The following MCTP2 variants were observed in gnomAD, a reference collection of about 807,000 sequenced individuals.
MCTP2 encodes the protein multiple C2 and transmembrane domain containing 2, also known as multiple C2 and transmembrane domain-containing protein 2.
In MCTP2, 132 loss-of-function variants were observed where a neutral mutation model predicts 111.6. The observed-to-expected ratio is 1.18, with a 90% CI of 1.03 to 1.37. The LOEUF is 1.37. Among genes scored for constraint, MCTP2 ranks in the 40% most tolerant of loss-of-function variants. The pLI is 0.00. For missense variants in MCTP2, 1,183 were observed against 1,067.9 expected (o/e 1.11, Z -1.50); for synonymous variants, 395 against 387.7 (o/e 1.02, Z -0.22).
chr15:94,241,194 G>T (rs1018210942), intron 1 of MCTP2, among the ~76,000 whole-genome samples: 8 of 152,068 alleles, frequency 5.3e-5, no homozygotes, highest in Admixed American at 2.6e-4. Flanking sequence ...TGCAGAGGCT[G>T]GTGTAAATGG....
chr15:94,314,289 G>T lies in MCTP2; in HGVS notation c.473G>T (p.Cys158Phe). Residue 158 changes from cysteine (C) to phenylalanine (F), a missense_variant, in exon 3 of 23, where the codon TGT becomes TTT. By Grantham distance (205) the Cys-to-Phe change is radical. Transcript: ENST00000357742. ...GDAPEEPEKL[C>F]GSSDLNASMT... ...TTTTCTTTTTCTTTGCAGAAGCTAT[G>T]TGGAAGCAGTGACCTGAATGCTTCT... is the stretch of plus-strand genomic sequence containing the variant. 1 of 1,607,394 alleles carries T rather than the reference G, an allele frequency of 6.2e-7. No individual in the cohort carries two copies. Among genetic ancestry groups the T allele is most frequent in the African/African-American group, 1.3e-5 (1 of 74,794 alleles).
intron 1 of MCTP2, among the ~76,000 whole-genome samples, chr15:94,257,566 G>GTTTTTTTTTTTTTTTTTTTTTT (rs1220635423): frequency 1.4e-4 from 10 of 73,004 alleles, no homozygotes; most frequent in East Asian, 5.3e-4. Context: ...CATTTTCTTT[G>GTTTTTTTTTTTTTTTTTTTTTT]TTGTTTTTTT....
chr15:94,316,287 C>A (rs1308863204), intron 4 of MCTP2, among the ~76,000 whole-genome samples: 1 of 152,114 alleles, frequency 6.6e-6, no homozygotes, highest in African/African-American at 2.4e-5. Flanking sequence ...ATCTATTTCT[C>A]TACTGGTGGT....
At chr15:94,373,410 C>G (rs977155143) in intron 12 of MCTP2, among the ~76,000 whole-genome samples, 2 of 152,108 alleles carry the variant, frequency 1.3e-5, no homozygotes, top group Admixed American at 1.3e-4. Flanking sequence ...TGTTGAAAGA[C>G]ATGAATAAGC....
chr15:94,329,231 A>G (rs1439729228), intron 4 of MCTP2, among the ~76,000 whole-genome samples: 1 of 152,136 alleles, frequency 6.6e-6, no homozygotes, highest in East Asian at 1.9e-4. Flanking sequence ...TTAGAGTGAA[A>G]ACAATCTGGG....
At chr15:94,445,457 G>C (rs959277703) in intron 19 of MCTP2, among the ~76,000 whole-genome samples, 3 of 152,124 alleles carry the variant, frequency 2.0e-5, no homozygotes, top group Non-Finnish European at 2.9e-5. Flanking sequence ...GTTAGGAAAG[G>C]CTGGTGAATT....
chr15:94,267,444 TAAAA>T (rs2073605993), intron 1 of MCTP2, among the ~76,000 whole-genome samples: 2 of 152,062 alleles, frequency 1.3e-5, no homozygotes, highest in South Asian at 4.1e-4. Context: ...ACATCATATT[TAAAA>T]AAAATCCATT....
intron 8 of MCTP2, among the ~76,000 whole-genome samples, chr15:94,354,059 A>G (rs1226334949): frequency 1.3e-5 from 2 of 151,722 alleles, no homozygotes; most frequent in Non-Finnish European, 2.9e-5. Flanking sequence ...CGGATGGAAC[A>G]TATTCAATAA....
intron 17 of MCTP2, among the ~76,000 whole-genome samples, chr15:94,437,716 T>A (rs988975409): frequency 1.3e-5 from 2 of 152,048 alleles, no homozygotes. Context: ...CCCACTCAGA[T>A]ATTGTATGGT....
chr15:94,467,059 C>T (rs1433945), intron 20 of MCTP2, among the ~76,000 whole-genome samples: 99,690 of 151,866 alleles, frequency 0.66, 33,103 homozygotes, highest in Middle Eastern at 0.86. Flanking sequence ...TGCCATATAT[C>T]TTTATAAATG....
chr15:94,439,513 G>A (rs1388944191), intron 17 of MCTP2, among the ~76,000 whole-genome samples: 1 of 152,052 alleles, frequency 6.6e-6, no homozygotes, highest in East Asian at 1.9e-4. Flanking sequence ...GTGTTTCTTG[G>A]AGGTAGAACC....
chr15:94,337,703 G>A (rs796330035), intron 4 of MCTP2, among the ~76,000 whole-genome samples: 12 of 146,420 alleles, frequency 8.2e-5, no homozygotes, highest in African/African-American at 2.8e-4. Context: ...ATGCACGCGC[G>A]TGTGCATGCC....
At chr15:94,308,363 C>T (rs964525636) in intron 2 of MCTP2, among the ~76,000 whole-genome samples, 2 of 152,152 alleles carry the variant, frequency 1.3e-5, no homozygotes, top group Admixed American at 6.5e-5. Flanking sequence ...TTGGGATTCT[C>T]CTGGCGCAGG....
intron 21 of MCTP2, among the ~76,000 whole-genome samples, chr15:94,470,820 G>C (rs576005361): frequency 2.0e-5 from 3 of 152,076 alleles, no homozygotes; most frequent in Non-Finnish European, 2.9e-5. Context: ...TTATGTAAAA[G>C]TGGATCTGGC....
chr15:94,264,283 G>A (rs2073375317), intron 1 of MCTP2, among the ~76,000 whole-genome samples: 1 of 152,106 alleles, frequency 6.6e-6, no homozygotes, highest in Admixed American at 6.5e-5. Flanking sequence ...GGCGGTCATT[G>A]TTTTCCCATC....
rs1198268810 is a variant in MCTP2, at chr15:94,440,039, G to A, written c.2086-137G>A. On this transcript the variant is annotated intron_variant, in intron 17 of 22. Transcript: ENST00000357742. ...AAAATGAGTTGATCATTGTGTGTGT[G>A]CGTACCTGTTTGGAAATGTTTCTGA... The A allele has an allele frequency of 6.4e-6, 6 of 941,830 alleles. No homozygotes were observed. In the East Asian group the frequency reaches 1.5e-4, roughly 23 times the overall value. The allele number at this position is 941,830 out of a possible 1,614,324, so 58.3% of individuals were successfully genotyped here. A position where few individuals can be genotyped will look rare whatever the true frequency, so the allele number is the denominator to read the frequency against.
intron 9 of MCTP2, among the ~76,000 whole-genome samples, chr15:94,357,830 A>G (rs973429488): frequency 2.6e-5 from 4 of 152,210 alleles, no homozygotes; most frequent in African/African-American, 9.7e-5. Flanking sequence ...AATCCTGCCA[A>G]TAAACCAAAC....
chr15:94,412,182 C>G (rs1173154051), intron 17 of MCTP2, among the ~76,000 whole-genome samples: 1 of 152,136 alleles, frequency 6.6e-6, no homozygotes, highest in Non-Finnish European at 1.5e-5. Context: ...AGAGGATTCT[C>G]AGTCCTACAC....
intron 1 of MCTP2, among the ~76,000 whole-genome samples, chr15:94,269,382 G>C (rs1390372726): frequency 6.6e-6 from 1 of 152,188 alleles, no homozygotes; most frequent in Non-Finnish European, 1.5e-5. Context: ...ATAATTGATA[G>C]AATTTAGGGG....
Sources: allele counts gnomAD v4.1 joint callset (sites outside exome capture counted in the v4.1 genomes callset), GRCh38; gene constraint gnomAD v4.1.1; transcripts MANE v1.5; gene names NCBI Gene and HGNC (gene_info 2026-07-23, HGNC 2026-07-21).